The following RIMS2 variants were observed in gnomAD, a reference collection of about 807,000 sequenced individuals.
RIMS2 encodes the protein regulating synaptic membrane exocytosis 2, also known as regulating synaptic membrane exocytosis protein 2.
RIMS2 carries 59 observed loss-of-function variants against 174.4 expected under a neutral mutation model. The ratio of observed to expected loss-of-function variants is 0.34; its 90% confidence interval spans 0.27 to 0.42. RIMS2 has a LOEUF of 0.42. Among genes scored for constraint, RIMS2 ranks in the 10% least tolerant of loss-of-function variants. The pLI is 1.00. For synonymous variants in RIMS2, 606 were observed against 572.5 expected (o/e 1.06, Z -0.84); for missense variants, 1,620 against 1,666.3 (o/e 0.97, Z 0.48).
chr8:103,640,324 C>A (rs933984733), intron 1 of RIMS2, among the ~76,000 whole-genome samples: 5 of 151,716 alleles, frequency 3.3e-5, no homozygotes, highest in African/African-American at 1.2e-4. Context: ...TTGGTCTTTT[C>A]AAAGAGGTGG....
chr8:103,582,178 C>G (rs1563874335), intron 1 of RIMS2, among the ~76,000 whole-genome samples: 1 of 152,130 alleles, frequency 6.6e-6, no homozygotes, highest in Non-Finnish European at 1.5e-5. Context: ...TAGACACATC[C>G]TGGGCCAGGA....
chr8:103,878,047 A>G (rs2099149674), intron 3 of RIMS2, among the ~76,000 whole-genome samples: 1 of 151,768 alleles, frequency 6.6e-6, no homozygotes, highest in East Asian at 1.9e-4. Context: ...GATTTGATTT[A>G]TGGCGGTGGT....
Position 104,183,815 on chromosome 8 carries a change from C to T in RIMS2, c.3335-61101C>T, listed in dbSNP as rs137950896. 4.6e-3 allele frequency among the ~76,000 whole-genome samples: 701 copies of T among 151,488 alleles called. 7 individuals are homozygous for T. The highest frequency in any genetic ancestry group is 0.016 in the African/African-American group (657 of 41,386). The stretch of plus-strand genomic sequence containing the variant: ...CTTTAGAGTTTATTTTTAAAAGTCT[C>T]GTTAATTTATGTATCATCACCATTA... On this transcript the variant is annotated intron_variant, in intron 19 of 23. Coordinates refer to ENST00000504942, the Ensembl canonical transcript of RIMS2.
chr8:103,966,794 C>T (rs898817426), intron 15 of RIMS2, among the ~76,000 whole-genome samples: 2 of 151,958 alleles, frequency 1.3e-5, no homozygotes, highest in African/African-American at 4.8e-5. Flanking sequence ...TTCACTGCAT[C>T]CCACAAATTT....
intron 19 of RIMS2, among the ~76,000 whole-genome samples, chr8:104,177,969 A>T (rs2098915175): frequency 6.6e-6 from 1 of 152,206 alleles, no homozygotes; most frequent in East Asian, 1.9e-4. Context: ...AACTCTAATG[A>T]TGGTGTCTAC....
At chr8:103,768,444 G>C (rs1337293319) in intron 3 of RIMS2, 1 of 770,246 alleles carries the variant, frequency 1.3e-6, no homozygotes, top group East Asian at 2.5e-5. Flanking sequence ...ATCAGTGGTG[G>C]GAATGACAAA....
At chr8:104,082,664 G>T (rs749656669) in intron 19 of RIMS2, among the ~76,000 whole-genome samples, 1 of 151,892 alleles carries the variant, frequency 6.6e-6, no homozygotes, top group Non-Finnish European at 1.5e-5. Flanking sequence ...TAAAAATATA[G>T]AATGTTCTAC....
intron 12 of RIMS2, among the ~76,000 whole-genome samples, chr8:103,934,038 C>A (rs146331872): frequency 7.1e-4 from 108 of 152,034 alleles, no homozygotes; most frequent in African/African-American, 2.4e-3. Flanking sequence ...TAAAAAATAA[C>A]TGGGCTTGTT....
chr8:103,930,191 A>G (rs1222266875), intron 11 of RIMS2, among the ~76,000 whole-genome samples: 1 of 152,088 alleles, frequency 6.6e-6, no homozygotes, highest in African/African-American at 2.4e-5. Context: ...AAAAAAAGAT[A>G]GAAATAATTT....
chr8:103,917,066 C>T (rs1016148382), intron 8 of RIMS2, among the ~76,000 whole-genome samples: 10 of 152,004 alleles, frequency 6.6e-5, no homozygotes, highest in Non-Finnish European at 1.2e-4. Context: ...AATATAATGC[C>T]TATAAATTAA....
chr8:103,757,386 T>A (rs1232129463), intron 2 of RIMS2, among the ~76,000 whole-genome samples: 3 of 152,198 alleles, frequency 2.0e-5, no homozygotes, highest in Non-Finnish European at 4.4e-5. Context: ...TTTGATGAAT[T>A]TAACTATTCT....
At chr8:103,876,846 A>C (rs1331881072) in intron 3 of RIMS2, among the ~76,000 whole-genome samples, 1 of 129,334 alleles carries the variant, frequency 7.7e-6, no homozygotes, top group Non-Finnish European at 1.7e-5. Flanking sequence ...ATGTGTATAT[A>C]TACACACACA....
rs1481925680 is a variant in RIMS2 at position 103,879,771 on chromosome 8, G to A, written c.699-5527G>A. 2.0e-5 allele frequency among the ~76,000 whole-genome samples: 3 copies of A among 151,422 alleles called. No homozygotes were observed. In the East Asian group the frequency reaches 5.8e-4, roughly 29 times the overall value. The stretch of plus-strand genomic sequence containing the variant: ...ATCTTTTTCTACTCGTCTAACACTG[G>A]CCTTTTCTCAGTTTTATATAAAAGT... On this transcript the variant is annotated intron_variant, in intron 3 of 23. Transcript: ENST00000504942.
chr8:104,036,956 C>T (rs1003366225), intron 19 of RIMS2, among the ~76,000 whole-genome samples: 3 of 152,006 alleles, frequency 2.0e-5, no homozygotes, highest in Admixed American at 6.6e-5. Flanking sequence ...TTTGAAAATA[C>T]GGCACCTAAT....
chr8:104,166,390 AT>A (rs1380799365), intron 19 of RIMS2, among the ~76,000 whole-genome samples: 1 of 152,046 alleles, frequency 6.6e-6, no homozygotes, highest in East Asian at 1.9e-4. Flanking sequence ...AAGGTTTGTA[AT>A]TTGAGCCAGA....
At chr8:104,212,619 C>T (rs1030699521) in intron 19 of RIMS2, among the ~76,000 whole-genome samples, 9 of 152,146 alleles carry the variant, frequency 5.9e-5, no homozygotes, top group Non-Finnish European at 7.4e-5. Context: ...CACACACACA[C>T]GCATGTTCAT....
At chr8:103,532,088 G>C (rs1322692068) in intron 1 of RIMS2, among the ~76,000 whole-genome samples, 1 of 152,186 alleles carries the variant, frequency 6.6e-6, no homozygotes, top group Non-Finnish European at 1.5e-5. Flanking sequence ...TCAAAATGCT[G>C]AGCCAGGCAT....
At chr8:104,219,451 A>G (rs79650432) in intron 19 of RIMS2, among the ~76,000 whole-genome samples, 1,818 of 152,296 alleles carry the variant, frequency 0.012, 38 homozygotes, top group African/African-American at 0.042. Flanking sequence ...GATAATGATG[A>G]CATTCTGTCA....
At position 104,213,888 on chromosome 8, in the gene RIMS2, A is replaced by AG. The variant is rs1554626689; in HGVS notation, c.3335-31028_3335-31027insG. Among the ~76,000 whole-genome samples, 63 of 148,186 alleles carry AG rather than the reference A, an allele frequency of 4.3e-4. 1 individual carries two copies. Among genetic ancestry groups the AG allele is most frequent in the Admixed American group, 1.3e-3 (19 of 14,924 alleles). ...GAGACTCTGCCTCGGAAAAAAAAAA[A>AG]AAGAAGAAGAAGAAGAAGAAGAAGA... On this transcript the variant is annotated intron_variant, in intron 19 of 23. Coordinates refer to ENST00000504942, the Ensembl canonical transcript of RIMS2.
Sources: gnomAD v4.1 joint callset for allele counts (sites outside exome capture counted in the v4.1 genomes callset) on GRCh38, gnomAD v4.1.1 for gene constraint, MANE v1.5 for transcripts, NCBI Gene and HGNC (gene_info 2026-07-23, HGNC 2026-07-21) for gene names.